The following KIAA0825 variants were observed in gnomAD, a reference collection of about 807,000 sequenced individuals.
KIAA0825 encodes the protein uncharacterized protein KIAA0825.
A neutral mutation model predicts 147.6 loss-of-function variants in KIAA0825; 119 were observed. That is an observed-to-expected ratio of 0.81 (90% confidence interval 0.69 to 0.94). KIAA0825 has a LOEUF of 0.94. KIAA0825 is among the 40% of genes least tolerant of loss of function. KIAA0825 has a pLI of 0.00. For missense variants in KIAA0825, 1,381 were observed against 1,472.7 expected (o/e 0.94, Z 1.02); for synonymous variants, 470 against 518.1 (o/e 0.91, Z 1.26).
chr5:94,520,103 G>A, intron 5 of KIAA0825, 145 bp downstream of exon 5: 1 of 1,185,704 alleles, frequency 8.4e-7, no homozygotes, highest in Non-Finnish European at 1.1e-6. Context: ...AAATGCATGA[G>A]AAATGTATAC....
chr5:94,344,271 T>C (rs1782745713), intron 20 of KIAA0825, among the ~76,000 whole-genome samples: 1 of 152,066 alleles, frequency 6.6e-6, no homozygotes, highest in Non-Finnish European at 1.5e-5. Flanking sequence ...TAATAAAAAA[T>C]ATACAGCTTC....
At chr5:94,355,655 C>G (rs888674584) in intron 20 of KIAA0825, among the ~76,000 whole-genome samples, 3 of 152,132 alleles carry the variant, frequency 2.0e-5, no homozygotes, top group Non-Finnish European at 2.9e-5. Flanking sequence ...ATACTAGGGT[C>G]ATACATGTAG....
At chr5:94,342,076 G>T (rs1393769048) in intron 20 of KIAA0825, among the ~76,000 whole-genome samples, 1 of 151,882 alleles carries the variant, frequency 6.6e-6, no homozygotes, top group African/African-American at 2.4e-5. Context: ...GGCGCCTGTA[G>T]TCCCAGCTAC....
chr5:94,279,549 C>T (rs1340140252), intron 20 of KIAA0825, among the ~76,000 whole-genome samples: 2 of 152,018 alleles, frequency 1.3e-5, no homozygotes, highest in African/African-American at 2.4e-5. Flanking sequence ...TTCCTCTTCC[C>T]GCCTTTCTTC....
intron 1 of KIAA0825, among the ~76,000 whole-genome samples, chr5:94,589,838 CT>C (rs1784021442): frequency 7.4e-6 from 1 of 134,716 alleles, no homozygotes; most frequent in Non-Finnish European, 1.6e-5. Context: ...TCCTGTCTCA[CT>C]TTAAAAAAAA....
chr5:94,391,801 C>T (rs1749932050), intron 17 of KIAA0825, 107 bp from the exon 18 acceptor site: 10 of 984,596 alleles, frequency 1.0e-5, no homozygotes, highest in Non-Finnish European at 1.5e-5. Context: ...AGATTCAAAG[C>T]ATCCATAAAG....
At chr5:94,373,769 G>A (rs576332611) in intron 20 of KIAA0825, among the ~76,000 whole-genome samples, 1 of 152,142 alleles carries the variant, frequency 6.6e-6, no homozygotes, top group South Asian at 2.1e-4. Flanking sequence ...ATAAAATGAA[G>A]AATATTACTA....
chr5:94,549,575 T>C (rs551685336), intron 2 of KIAA0825, among the ~76,000 whole-genome samples: 76 of 152,222 alleles, frequency 5.0e-4, no homozygotes, highest in Non-Finnish European at 9.3e-4. Context: ...TAGCCGGATG[T>C]GGTGGCAGGT....
intron 20 of KIAA0825, among the ~76,000 whole-genome samples, chr5:94,186,566 G>A (rs944470686): frequency 1.3e-5 from 2 of 152,184 alleles, no homozygotes; most frequent in African/African-American, 4.8e-5. Flanking sequence ...ACATGGCAAA[G>A]TTAGTAATAT....
At chr5:94,354,902 CAT>C (rs1189436965) in intron 20 of KIAA0825, among the ~76,000 whole-genome samples, 3 of 152,102 alleles carry the variant, frequency 2.0e-5, no homozygotes, top group African/African-American at 7.2e-5. Context: ...GTCCTGGGAA[CAT>C]GTGCCCAAGG....
chr5:94,301,240 T>C (rs1778386196), intron 20 of KIAA0825, among the ~76,000 whole-genome samples: 1 of 152,120 alleles, frequency 6.6e-6, no homozygotes, highest in Admixed American at 6.6e-5. Flanking sequence ...GTGGTAACTG[T>C]TCATACTTAA....
At chr5:94,382,564 T>A (rs1748566361) in intron 20 of KIAA0825, among the ~76,000 whole-genome samples, 1 of 152,196 alleles carries the variant, frequency 6.6e-6, no homozygotes, top group African/African-American at 2.4e-5. Context: ...ATGATTTTCA[T>A]ACCATTCTTT....
chr5:94,268,541 G>A (rs987649765), intron 20 of KIAA0825, among the ~76,000 whole-genome samples: 7 of 152,056 alleles, frequency 4.6e-5, no homozygotes, highest in Admixed American at 1.3e-4. Flanking sequence ...AAATAGAAAC[G>A]GTGGCTCTTT....
chr5:94,384,231 T>C lies in KIAA0825; in HGVS notation c.3710+137A>G, dbSNP rs2150524798. On this transcript the variant is annotated intron_variant, in intron 20 of 20. Coordinates refer to ENST00000682413, the MANE Select transcript of KIAA0825 (RefSeq NM_001145678.3). Reference sequence around the variant, plus strand: ...GAGGCTGGAGAGGAAGAAAACAAAATAGATTCCCCTGCTGATAAAATGTTT... The same window carrying C: ...GAGGCTGGAGAGGAAGAAAACAAAACAGATTCCCCTGCTGATAAAATGTTT... The C allele has an allele frequency of 1.4e-5, 9 of 625,248 alleles. No homozygotes were observed. The East Asian group carries it at 2.3e-4, about 16-fold the overall frequency. 38.7% of individuals were successfully genotyped at this position (625,248 alleles called of 1,614,324 possible).
intron 20 of KIAA0825, among the ~76,000 whole-genome samples, chr5:94,178,531 C>A (rs1364299594): frequency 6.6e-6 from 1 of 151,754 alleles, no homozygotes; most frequent in Non-Finnish European, 1.5e-5. Flanking sequence ...ATTTTGATTT[C>A]TCTCTCAACT....
chr5:94,373,873 T>C (rs1208482467), intron 20 of KIAA0825, among the ~76,000 whole-genome samples: 1 of 152,216 alleles, frequency 6.6e-6, no homozygotes, highest in African/African-American at 2.4e-5. Flanking sequence ...TTCAAAGAGA[T>C]AATTTCCTCT....
intron 5 of KIAA0825, among the ~76,000 whole-genome samples, chr5:94,510,380 A>G (rs1008001747): frequency 6.6e-6 from 1 of 152,204 alleles, no homozygotes; most frequent in African/African-American, 2.4e-5. Flanking sequence ...TTGTCCTGTT[A>G]CAAAAGAGAC....
intron 2 of KIAA0825, among the ~76,000 whole-genome samples, chr5:94,547,025 A>C (rs1774550951): frequency 6.6e-6 from 1 of 151,942 alleles, no homozygotes; most frequent in Non-Finnish European, 1.5e-5. Context: ...TTAAAATAAA[A>C]AGAATCAAGC....
At chr5:94,228,768 A>T (rs1472925640) in intron 20 of KIAA0825, among the ~76,000 whole-genome samples, 2 of 152,246 alleles carry the variant, frequency 1.3e-5, no homozygotes, top group Non-Finnish European at 2.9e-5. Flanking sequence ...CAGTAGATCC[A>T]TTAAAAGCCT....
Sources: allele counts gnomAD v4.1 joint callset (sites outside exome capture counted in the v4.1 genomes callset), GRCh38; gene constraint gnomAD v4.1.1; transcripts MANE v1.5; gene names NCBI Gene and HGNC (gene_info 2026-07-23, HGNC 2026-07-21).